CNOT11: variants seen among roughly 807,000 people sequenced by gnomAD.
CNOT11 encodes CCR4-NOT transcription complex subunit 11.
In CNOT11, 18 loss-of-function variants were observed where a neutral mutation model predicts 44.6. The ratio of observed to expected loss-of-function variants is 0.40; its 90% confidence interval spans 0.28 to 0.60. The LOEUF (loss-of-function observed/expected upper bound fraction) is 0.60, where lower values mean the gene tolerates loss of function less well. Among genes scored for constraint, CNOT11 ranks in the 20% least tolerant of loss-of-function variants. The pLI is 0.38. For synonymous variants in CNOT11, 291 were observed against 270.9 expected, an observed-to-expected ratio of 1.07 and a Z score of -0.73; for missense variants, 513 against 677.0, an observed-to-expected ratio of 0.76 and a Z score of 2.69.
rs200837642 is a variant in CNOT11, at chr2:101,265,072, CT to C, written c.1035+27del. 1,291 of 1,419,898 alleles carry C rather than the reference CT, an allele frequency of 9.1e-4. 17 individuals carry two copies. In the African/African-American group the frequency reaches 0.017, roughly 19 times the overall value. 88.0% of individuals were successfully genotyped at this position (1,419,898 alleles called of 1,614,324 possible). The stretch of plus-strand genomic sequence containing the variant: ...GGTGTGTATTGATTGTAAGCATTTT[CT>C]TATCTTTTTTTTTAAATTTATTTTT... On this transcript the variant is annotated intron_variant, in intron 4 of 6. Transcript: ENST00000289382.
At position 101,252,912 on chromosome 2, in the gene CNOT11, G is replaced by C; in HGVS notation, c.-53G>C. ...CGCTTTACGGCCGCGGGGACGGAGC[G>C]AGCCGGCGCCAGGGCCCCTCGGGCC... On this transcript the variant is annotated 5_prime_UTR_variant, in exon 1 of 7. Transcript: ENST00000289382. 1 of 1,383,078 alleles carries C rather than the reference G, an allele frequency of 7.2e-7. No homozygotes were observed. Among genetic ancestry groups the C allele is most frequent in the Non-Finnish European group, 9.3e-7 (1 of 1,077,050 alleles). The allele number at this position is 1,383,078 out of a possible 1,614,324, so 85.7% of individuals were successfully genotyped here. A position where few individuals can be genotyped will look rare whatever the true frequency, so the allele number is the denominator to read the frequency against.
At position 101,253,317 on chromosome 2, in the gene CNOT11, TGCCTAGCGCGGCGCAGC is replaced by T. The variant is rs757367722; in HGVS notation, c.358_374del (p.Ser120HisfsTer94). On this transcript the variant is annotated frameshift_variant, in exon 1 of 7. Transcript: ENST00000289382. LOFTEE classifies it high-confidence loss of function. The surrounding 1 kb of genome is among the most constrained non-coding windows in gnomAD (Gnocchi z 4.3). ...ATGCTGCTCCAGCAGCCCGACCTGC[TGCCTAGCGCGGCGCAGC>T]GCCTCACGGCGCTCTACCTGCTCTG... 1 of 1,608,510 alleles carries T rather than the reference TGCCTAGCGCGGCGCAGC, an allele frequency of 6.2e-7. No homozygotes were observed. The highest frequency in any genetic ancestry group is 8.5e-7 in the Non-Finnish European group (1 of 1,179,302).
intron 5 of CNOT11, among the ~76,000 whole-genome samples, chr2:101,267,477 T>C (rs1025924101): frequency 6.7e-6 from 1 of 148,166 alleles, no homozygotes; most frequent in African/African-American, 2.4e-5. Flanking sequence ...CCTATACAAA[T>C]ATAGATACTA....
chr2:101,261,708 C>G (rs1681866707), intron 2 of CNOT11, among the ~76,000 whole-genome samples: 1 of 151,986 alleles, frequency 6.6e-6, no homozygotes, highest in African/African-American at 2.4e-5. Flanking sequence ...GTTATAGTAT[C>G]TTGTGTTTTA....
In CNOT11 at chr2:101,253,440, C is replaced by T. The variant is rs1046923619; in HGVS notation, c.476C>T (p.Ala159Val). 7.9e-6 allele frequency: 12 copies of T among 1,525,382 alleles called. No homozygotes were observed. The highest frequency in any genetic ancestry group is 1.0e-5 in the Non-Finnish European group (12 of 1,148,300). The allele number at this position is 1,525,382 out of a possible 1,614,324, so 94.5% of individuals were successfully genotyped here. The change falls in exon 1 of 7, where the codon GCC (alanine) becomes GTC (valine). Residue 159 changes from alanine (A) to valine (V), a missense_variant. This residue lies in a region of CNOT11 where 259 missense variants were observed against 265.7 expected (regional missense o/e 0.97). Coordinates refer to ENST00000289382, the MANE Select transcript of CNOT11 (RefSeq NM_017546.5). This position sits in a 1 kb window ranked among gnomAD's most constrained non-coding sequence, Gnocchi z 4.3. The stretch of plus-strand genomic sequence containing the variant: ...CACCTGCTCAACCCCGCGCCGCCCG[C>T]CCGCGGCGGCCAGGAACCCGACCGC... The part of the protein sequence containing the change: ...FAHLLNPAPP[A>V]RGGQEPDRPP...
At chr2:101,262,439 C>A in intron 2 of CNOT11, 100 bp from the exon 3 acceptor site, 1 of 1,018,378 alleles carries the variant, frequency 9.8e-7, no homozygotes, top group Non-Finnish European at 1.5e-6. Flanking sequence ...TGAATCTGGC[C>A]CTTTGTTTTT....
At chr2:101,254,473 G>A (rs917690417) in intron 1 of CNOT11, among the ~76,000 whole-genome samples, 1 of 152,150 alleles carries the variant, frequency 6.6e-6, no homozygotes, top group African/African-American at 2.4e-5. Context: ...CCTTATCTAA[G>A]AAGGGCAACC....
intron 5 of CNOT11, among the ~76,000 whole-genome samples, chr2:101,268,206 TC>T (rs1558770205): frequency 1.8e-5 from 1 of 55,284 alleles, no homozygotes; most frequent in African/African-American, 5.1e-5. Context: ...ATCTCCCCCC[TC>T]TTTGTTCCAG....
At chr2:101,258,997 G>C (rs983583118) in intron 2 of CNOT11, among the ~76,000 whole-genome samples, 1 of 152,126 alleles carries the variant, frequency 6.6e-6, no homozygotes, top group African/African-American at 2.4e-5. Context: ...AGCCGGGCGT[G>C]GTGGTGCATG....
chr2:101,253,526 A>C lies in CNOT11; in HGVS notation c.514+48A>C, dbSNP rs1681674127. 1 of 1,380,726 alleles carries C rather than the reference A, an allele frequency of 7.2e-7. No individual in the cohort carries two copies. Among genetic ancestry groups the C allele is most frequent in the Non-Finnish European group, 9.4e-7 (1 of 1,065,258 alleles). The allele number at this position is 1,380,726 out of a possible 1,614,324, so 85.5% of individuals were successfully genotyped here. A position where few individuals can be genotyped will look rare whatever the true frequency, so the allele number is the denominator to read the frequency against. On this transcript the variant is annotated intron_variant, in intron 1 of 6. Coordinates refer to ENST00000289382, the MANE Select transcript of CNOT11 (RefSeq NM_017546.5). This position sits in a 1 kb window ranked among gnomAD's most constrained non-coding sequence, Gnocchi z 4.3. ...CCGTGTGGATAGCGTTAGATTCCGCAGCTTTCCACCTGCGCTGCTGGGAAC... is the reference window on the plus strand; with the variant it reads ...CCGTGTGGATAGCGTTAGATTCCGCCGCTTTCCACCTGCGCTGCTGGGAAC...
rs370304716 is a variant in CNOT11 at position 101,267,037 on chromosome 2, A to G, written c.1238+158A>G. Among the ~76,000 whole-genome samples, 3 of 152,382 alleles carry G rather than the reference A, an allele frequency of 2.0e-5. No individual in the cohort carries two copies. In the East Asian group the frequency reaches 5.8e-4, roughly 29 times the overall value. On this transcript the variant is annotated intron_variant, in intron 5 of 6. Transcript: ENST00000289382. ...AGCATTCACTACATGTAAATTTAGC[A>G]TGCGTTAATAAGAACTGAGGGTAGG...
At chr2:101,263,884 C>T (rs1240389048) in intron 3 of CNOT11, among the ~76,000 whole-genome samples, 1 of 152,204 alleles carries the variant, frequency 6.6e-6, no homozygotes, top group Non-Finnish European at 1.5e-5. Flanking sequence ...CAGGTGTCCC[C>T]ACCTCGCAAG....
Position 101,268,663 on chromosome 2 carries a change from C to T in CNOT11, c.1239-377C>T, listed in dbSNP as rs137914915. On this transcript the variant is annotated intron_variant, in intron 5 of 6. Transcript: ENST00000289382. The stretch of plus-strand genomic sequence containing the variant: ...AATTCATACTTTGAGTACGGAATTC[C>T]TGTTCCCACCCCACTCGTTTTTCTC... Among the ~76,000 whole-genome samples the T allele has an allele frequency of 2.7e-3, 413 of 152,256 alleles. 4 individuals carry two copies. The highest frequency in any genetic ancestry group is 8.4e-3 in the African/African-American group (350 of 41,546).
At chr2:101,255,351 C>G (rs1237520071) in intron 1 of CNOT11, among the ~76,000 whole-genome samples, 1 of 151,846 alleles carries the variant, frequency 6.6e-6, no homozygotes, top group Non-Finnish European at 1.5e-5. Flanking sequence ...AAAAATTAGC[C>G]GGGCGCGGTG....
rs780736712 is a variant in CNOT11 at position 101,253,205 on chromosome 2, G to A, written c.241G>A (p.Gly81Ser). 2 of 1,603,468 alleles carry A rather than the reference G, an allele frequency of 1.2e-6. No homozygotes were observed. Among genetic ancestry groups the A allele is most frequent in the Non-Finnish European group, 8.5e-7 (1 of 1,176,870 alleles). Residue 81 changes from glycine (G) to serine (S), a missense_variant, in exon 1 of 7, where the codon GGC (glycine) becomes AGC (serine). Around this residue, in one of 4 missense-constraint regions of CNOT11, gnomAD observed 259 missense variants for 265.7 expected, o/e 0.97. Coordinates refer to ENST00000289382, the MANE Select transcript of CNOT11 (RefSeq NM_017546.5). The surrounding 1 kb of genome is among the most constrained non-coding windows in gnomAD (Gnocchi z 4.3). ...LLSIISEEAG[G>S]GSTFEGLSTA... ...GAGCATCATATCGGAGGAGGCGGGC[G>A]GCGGCAGCACCTTCGAGGGCCTGTC...
chr2:101,263,092 G>T (rs1416196183), intron 3 of CNOT11, among the ~76,000 whole-genome samples: 1 of 152,048 alleles, frequency 6.6e-6, no homozygotes, highest in Non-Finnish European at 1.5e-5. Context: ...GTAGTGGCAT[G>T]CATCTGTAGT....
chr2:101,269,354 C>T lies in CNOT11; in HGVS notation c.1474C>T (p.Arg492Trp). The T allele has an allele frequency of 6.2e-7, 1 of 1,613,988 alleles. No individual in the cohort carries two copies. Among genetic ancestry groups the T allele is most frequent in the Non-Finnish European group, 8.5e-7 (1 of 1,179,990 alleles). ...SRIREAAGLF[R>W]LLKTLDTGET... ...GATACGAGAAGCTGCTGGTCTTTTC[C>T]GGTTGTTGAAGACATTGGATACTGG... The change falls in exon 7 of 7, where the codon CGG (arginine) becomes TGG (tryptophan). Residue 492 changes from arginine (R) to tryptophan (W), a missense_variant. This residue lies in a region of CNOT11 where 87 missense variants were observed against 185.4 expected (regional missense o/e 0.47). Transcript: ENST00000289382. The surrounding 1 kb of genome is among the most constrained non-coding windows in gnomAD (Gnocchi z 4.8).
In CNOT11 at chr2:101,258,813, CAA is replaced by C. The variant is rs34756086; in HGVS notation, c.679+874_679+875del. On this transcript the variant is annotated intron_variant, in intron 2 of 6. Coordinates refer to ENST00000289382, the MANE Select transcript of CNOT11 (RefSeq NM_017546.5). Reference sequence around the variant, plus strand: ...TGGGTGACAGGGCGAGAGTCTGTCTCAAAAAAAAAAAAAAAAAGAAAAATCCA... The same window carrying C: ...TGGGTGACAGGGCGAGAGTCTGTCTCAAAAAAAAAAAAAAAGAAAAATCCA... Among the ~76,000 whole-genome samples, 73 of 99,724 alleles carry C rather than the reference CAA, an allele frequency of 7.3e-4. 1 individual carries two copies. Among genetic ancestry groups the C allele is most frequent in the East Asian group, 8.4e-4 (3 of 3,584 alleles). 65.4% of individuals were successfully genotyped at this position (99,724 alleles called of 152,430 possible).
intron 3 of CNOT11, among the ~76,000 whole-genome samples, chr2:101,263,745 G>A (rs1234977114): frequency 1.3e-5 from 2 of 152,216 alleles, no homozygotes; most frequent in Non-Finnish European, 2.9e-5. Flanking sequence ...TCACAAGTGT[G>A]ACTGAAATGT....
Sources: gnomAD v4.1 joint callset for allele counts (sites outside exome capture counted in the v4.1 genomes callset) on GRCh38, gnomAD v4.1.1 for gene constraint, gnomAD v4.1.1 regional missense constraint, Gnocchi (gnomAD v3.1) non-coding constraint, MANE v1.5 for transcripts, NCBI Gene and HGNC (gene_info 2026-07-23, HGNC 2026-07-21) for gene names.